Variants in PITPNM2 observed in about 807,000 individuals in gnomAD.
The protein encoded by PITPNM2 is membrane-associated phosphatidylinositol transfer protein 2.
In PITPNM2, 35 loss-of-function variants were observed where a neutral mutation model predicts 132.2. The observed-to-expected ratio is 0.26, with a 90% CI of 0.20 to 0.35. PITPNM2 has a LOEUF of 0.35. Among genes scored for constraint, PITPNM2 ranks in the 10% least tolerant of loss-of-function variants. The pLI, the probability that PITPNM2 is intolerant of heterozygous loss-of-function variation, is 1.00. For synonymous variants in PITPNM2, 738 were observed against 799.2 expected, an observed-to-expected ratio of 0.92 and a Z score of 1.29; for missense variants, 1,332 against 1,912.0, an observed-to-expected ratio of 0.70 and a Z score of 5.66.
chr12:123,029,820 T>C (rs199847076), intron 3 of PITPNM2, among the ~76,000 whole-genome samples: 2 of 124,796 alleles, frequency 1.6e-5, no homozygotes, highest in South Asian at 2.3e-4. Flanking sequence ...TGGACACACA[T>C]ATGTGTCTGT....
chr12:123,135,554 ACT>A (rs960062269), intron 1 of PITPNM2, among the ~76,000 whole-genome samples: 17 of 151,728 alleles, frequency 1.1e-4, no homozygotes, highest in Admixed American at 3.3e-4. Context: ...CCACCATTCC[ACT>A]CTCTGAGTCT....
chr12:122,992,458 C>T lies in PITPNM2; in HGVS notation c.2404+41G>A. 6.4e-7 allele frequency: 1 copy of T among 1,570,442 alleles called. No individual in the cohort carries two copies. Among genetic ancestry groups the T allele is most frequent in the Non-Finnish European group, 8.6e-7 (1 of 1,158,554 alleles). On this transcript the variant is annotated intron_variant, in intron 16 of 25. Coordinates refer to ENST00000320201, the MANE Select transcript of PITPNM2 (RefSeq NM_020845.3). The surrounding 1 kb of genome is among the most constrained non-coding windows in gnomAD (Gnocchi z 6.5). ...TAGGAGCCAGGGAGCCACGCTTACC[C>T]CACCTTCCCCCAGAGGAGTGGGGCG...
intron 1 of PITPNM2, among the ~76,000 whole-genome samples, chr12:123,121,751 T>A (rs2043036779): frequency 6.6e-6 from 1 of 152,004 alleles, no homozygotes; most frequent in Non-Finnish European, 1.5e-5. Flanking sequence ...GTCTATGTTG[T>A]CCAGGGTGGT....
At chr12:123,085,507 T>A (rs1593002559) in intron 2 of PITPNM2, among the ~76,000 whole-genome samples, 2 of 150,356 alleles carry the variant, frequency 1.3e-5, no homozygotes, top group South Asian at 2.1e-4. Flanking sequence ...CTACTGGGGG[T>A]GAGGAAAAGG....
intron 1 of PITPNM2, among the ~76,000 whole-genome samples, chr12:123,131,987 T>C (rs1024768514): frequency 2.6e-5 from 4 of 152,222 alleles, no homozygotes; most frequent in Non-Finnish European, 5.9e-5. Context: ...GGCAGAACCC[T>C]GCTCCACATT....
chr12:122,994,892 C>G lies in PITPNM2; in HGVS notation c.2142G>C (p.Arg714Ser). ...TMLDGTGALG[R>S]FDFEITDLFL... ...AGAGGTCGGTGATCTCAAAGTCAAA[C>G]CTGCCCAGGGCACCTGTGCCATCCA... Residue 714 changes from arginine (R) to serine (S), a missense_variant, in exon 15 of 26, where the codon AGG (arginine) becomes AGC (serine). Physicochemically the swap from Arg to Ser is moderately radical, Grantham distance 110. Around this residue, in one of 6 missense-constraint regions of PITPNM2, gnomAD observed 710 missense variants for 911.5 expected, o/e 0.78. Coordinates refer to ENST00000320201, the MANE Select transcript of PITPNM2 (RefSeq NM_020845.3). The surrounding 1 kb of genome is among the most constrained non-coding windows in gnomAD (Gnocchi z 5.4). The G allele has an allele frequency of 6.2e-7, 1 of 1,612,350 alleles. No homozygotes were observed. Among genetic ancestry groups the G allele is most frequent in the South Asian group, 1.1e-5 (1 of 91,030 alleles).
chr12:122,989,958 A>T lies in PITPNM2; in HGVS notation c.2570-10T>A. On this transcript the variant is annotated splice_polypyrimidine_tract_variant and intron_variant, in intron 17 of 25. Transcript: ENST00000320201. ...AGCGCATCGGGGGCCTCTGAGAAGC[A>T]AGAGCAATGGATGGCTCAGCCACGC... The T allele has an allele frequency of 7.7e-7, 1 of 1,301,474 alleles. No homozygotes were observed. 80.6% of individuals were successfully genotyped at this position (1,301,474 alleles called of 1,614,324 possible). A position where few individuals can be genotyped will look rare whatever the true frequency, so the allele number is the denominator to read the frequency against.
intron 2 of PITPNM2, among the ~76,000 whole-genome samples, chr12:123,068,276 G>A (rs757730493): frequency 2.0e-5 from 3 of 152,066 alleles, no homozygotes; most frequent in African/African-American, 4.8e-5. Context: ...GAACATCCTG[G>A]CTAACACGGT....
At position 123,000,338 on chromosome 12, in the gene PITPNM2, C is replaced by A; in HGVS notation, c.1224+440G>T. On this transcript the variant is annotated intron_variant, in intron 10 of 25. Transcript: ENST00000320201. The surrounding 1 kb of genome is among the most constrained non-coding windows in gnomAD (Gnocchi z 5.4). ...ACAGTTTTATTGGACACACTGAGCT[C>A]CGCCTGCCTCCCGCGGGGCCATCTT... 1.4e-6 allele frequency: 1 copy of A among 696,080 alleles called. No individual in the cohort carries two copies. Among genetic ancestry groups the A allele is most frequent in the South Asian group, 1.5e-5 (1 of 67,150 alleles). The allele number at this position is 696,080 out of a possible 1,614,324, so 43.1% of individuals were successfully genotyped here. A position where few individuals can be genotyped will look rare whatever the true frequency, so the allele number is the denominator to read the frequency against.
At chr12:123,019,227 A>G (rs574539312) in intron 3 of PITPNM2, among the ~76,000 whole-genome samples, 11 of 152,276 alleles carry the variant, frequency 7.2e-5, no homozygotes, top group African/African-American at 2.6e-4. Context: ...TAGCTCAAGT[A>G]GCTGTCAAGT....
Position 122,985,278 on chromosome 12 carries a change from T to C in PITPNM2, c.*749A>G, listed in dbSNP as rs561051056. 1 of 152,538 alleles carries C rather than the reference T, an allele frequency of 6.6e-6. No individual in the cohort carries two copies. The highest frequency in any genetic ancestry group is 2.1e-4 in the South Asian group (1 of 4,832). The allele number at this position is 152,538 out of a possible 1,614,324, so 9.4% of individuals were successfully genotyped here. ...AGAAACGTGGGCGGGCGGCCTTGAC[T>C]GATGGCAGGGAGCGGAAGAGGCGGC... On this transcript the variant is annotated 3_prime_UTR_variant, in exon 26 of 26. Transcript: ENST00000320201.
intron 2 of PITPNM2, among the ~76,000 whole-genome samples, chr12:123,098,320 C>T (rs188253004): frequency 4.8e-4 from 73 of 152,212 alleles, no homozygotes; most frequent in Admixed American, 3.2e-3. Flanking sequence ...AAGTCAGGAC[C>T]AGGACGGGGA....
In PITPNM2 at chr12:123,004,973, G is replaced by A. The variant is rs540942155; in HGVS notation, c.952+267C>T. On this transcript the variant is annotated intron_variant, in intron 7 of 25. Coordinates refer to ENST00000320201, the MANE Select transcript of PITPNM2 (RefSeq NM_020845.3). This position sits in a 1 kb window ranked among gnomAD's most constrained non-coding sequence, Gnocchi z 4.9. ...CATCAGGAGGGGTGGCCCCTCCACC[G>A]CGCTGCAGGAGCCCAGCCACCTCCA... Among the ~76,000 whole-genome samples, 253 of 152,282 alleles carry A rather than the reference G, an allele frequency of 1.7e-3. No homozygotes were observed. The highest frequency in any genetic ancestry group is 4.5e-3 in the African/African-American group (188 of 41,576).
intron 3 of PITPNM2, among the ~76,000 whole-genome samples, chr12:123,018,272 ATTTCT>A (rs1247340694): frequency 7.2e-6 from 1 of 138,714 alleles, no homozygotes; most frequent in Non-Finnish European, 1.5e-5. Flanking sequence ...ATAATTTTTA[ATTTCT>A]TTTCTTTTTT....
At chr12:122,989,166 C>T (rs2038074188) in intron 18 of PITPNM2, among the ~76,000 whole-genome samples, 1 of 152,200 alleles carries the variant, frequency 6.6e-6, no homozygotes, top group Non-Finnish European at 1.5e-5. Context: ...CCCTTCCTGA[C>T]TCTGGTGACC....
At chr12:123,035,381 C>A (rs1213881907) in intron 2 of PITPNM2, among the ~76,000 whole-genome samples, 1 of 151,892 alleles carries the variant, frequency 6.6e-6, no homozygotes, top group Non-Finnish European at 1.5e-5. Context: ...TTTTTTTTAA[C>A]TGGGCCGGGC....
rs949430496 is a variant in PITPNM2 at position 123,111,660 on chromosome 12, C to A, written c.-199-1172G>T. Among the ~76,000 whole-genome samples, 1 of 152,238 alleles carries A rather than the reference C, an allele frequency of 6.6e-6. No individual in the cohort carries two copies. Among genetic ancestry groups the A allele is most frequent in the Non-Finnish European group, 1.5e-5 (1 of 68,048 alleles). ...CCACCGCGTCCTGCATGCCCACCCC[C>A]GTGCAGGCTCCTCTGTGGGACTGAG... On this transcript the variant is annotated intron_variant, in intron 1 of 25. Coordinates refer to ENST00000320201, the MANE Select transcript of PITPNM2 (RefSeq NM_020845.3). The surrounding 1 kb of genome is among the most constrained non-coding windows in gnomAD (Gnocchi z 4.1).
At position 123,058,602 on chromosome 12, in the gene PITPNM2, C is replaced by T. The variant is rs1289315296; in HGVS notation, c.-95-23917G>A. ...TGTCATTCTTGTTGTTCCCTGTTTG[C>T]GGTCCTCAGCTCCAAAGCCCTCAAG... is the stretch of plus-strand genomic sequence containing the variant. On this transcript the variant is annotated intron_variant, in intron 2 of 25. Transcript: ENST00000320201. This position sits in a 1 kb window ranked among gnomAD's most constrained non-coding sequence, Gnocchi z 4.0. 1.3e-5 allele frequency among the ~76,000 whole-genome samples: 2 copies of T among 152,170 alleles called. No individual in the cohort carries two copies. Among genetic ancestry groups the T allele is most frequent in the African/African-American group, 2.4e-5 (1 of 41,436 alleles).
At position 122,985,289 on chromosome 12, in the gene PITPNM2, A is replaced by G. The variant is rs2037889074; in HGVS notation, c.*738T>C. 1 of 152,472 alleles carries G rather than the reference A, an allele frequency of 6.6e-6. No individual in the cohort carries two copies. The highest frequency in any genetic ancestry group is 6.5e-5 in the Admixed American group (1 of 15,274). The allele number at this position is 152,472 out of a possible 1,614,324, so 9.4% of individuals were successfully genotyped here. The stretch of plus-strand genomic sequence containing the variant: ...CGGGCGGCCTTGACTGATGGCAGGG[A>G]GCGGAAGAGGCGGCCAGGCCCGTCC... On this transcript the variant is annotated 3_prime_UTR_variant, in exon 26 of 26. Transcript: ENST00000320201.
Sources: gnomAD v4.1 joint callset for allele counts (sites outside exome capture counted in the v4.1 genomes callset) on GRCh38, gnomAD v4.1.1 for gene constraint, gnomAD v4.1.1 regional missense constraint, Gnocchi (gnomAD v3.1) non-coding constraint, MANE v1.5 for transcripts, NCBI Gene and HGNC (gene_info 2026-07-23, HGNC 2026-07-21) for gene names.